Variants in ZNF516 observed in about 807,000 individuals in gnomAD.
ZNF516 encodes zinc finger protein 516.
ZNF516 carries 19 observed loss-of-function variants against 79.7 expected under a neutral mutation model. The observed-to-expected ratio is 0.24, with a 90% CI of 0.17 to 0.35. The LOEUF is 0.35. ZNF516 is among the 10% of genes least tolerant of loss of function. ZNF516 has a pLI of 1.00. For synonymous variants in ZNF516, 877 were observed against 739.5 expected, an observed-to-expected ratio of 1.19 and a Z score of -3.02; for missense variants, 1,678 against 1,679.5, an observed-to-expected ratio of 1.00 and a Z score of 0.02.
intron 1 of ZNF516, among the ~76,000 whole-genome samples, chr18:76,479,556 A>G (rs1914377469): frequency 6.6e-6 from 1 of 152,230 alleles, no homozygotes; most frequent in South Asian, 2.1e-4. Context: ...GAAGACGCAC[A>G]GGCGTTCGTA....
At chr18:76,409,536 G>A (rs909004692) in intron 3 of ZNF516, among the ~76,000 whole-genome samples, 1 of 152,218 alleles carries the variant, frequency 6.6e-6, no homozygotes, top group Non-Finnish European at 1.5e-5. Flanking sequence ...CATTGAACTA[G>A]AGACTGAAGA....
At chr18:76,487,195 A>T (rs185882477) in intron 1 of ZNF516, among the ~76,000 whole-genome samples, 53 of 152,358 alleles carry the variant, frequency 3.5e-4, no homozygotes, top group African/African-American at 1.2e-3. Flanking sequence ...TCGAATGTAT[A>T]CCATCGGAAA....
At chr18:76,423,541 T>TCCC (rs1224177300) in intron 3 of ZNF516, among the ~76,000 whole-genome samples, 1 of 63,608 alleles carries the variant, frequency 1.6e-5, no homozygotes, top group African/African-American at 6.3e-5. Context: ...TGAAAAGGCT[T>TCCC]CCCCGAAACA....
intron 2 of ZNF516, among the ~76,000 whole-genome samples, chr18:76,446,716 C>T (rs1299575189): frequency 1.3e-5 from 2 of 152,216 alleles, no homozygotes; most frequent in South Asian, 4.1e-4. Flanking sequence ...GGAGCAGCAT[C>T]CACGATGCTC....
chr18:76,417,689 T>A (rs902898427), intron 3 of ZNF516, among the ~76,000 whole-genome samples: 1 of 152,210 alleles, frequency 6.6e-6, no homozygotes, highest in African/African-American at 2.4e-5. Context: ...TAGCTTTCAA[T>A]TAGAGAAAAT....
chr18:76,411,498 A>C (rs1368453127), intron 3 of ZNF516, among the ~76,000 whole-genome samples: 3 of 152,242 alleles, frequency 2.0e-5, no homozygotes, highest in Non-Finnish European at 4.4e-5. Flanking sequence ...GAGTTAATAG[A>C]CAAGACACTA....
intron 3 of ZNF516, among the ~76,000 whole-genome samples, chr18:76,429,681 G>C (rs931744895): frequency 1.3e-5 from 2 of 152,130 alleles, no homozygotes; most frequent in African/African-American, 4.8e-5. Context: ...ACAACCACCA[G>C]CAGCAGCATC....
In ZNF516 at chr18:76,441,856, C is replaced by G. The variant is rs1479622730; in HGVS notation, c.1199G>C (p.Gly400Ala). Residue 400 changes from glycine to alanine, a missense_variant, in exon 3 of 7, where the codon GGC becomes GCC. Physicochemically the swap from Gly to Ala is moderately conservative, Grantham distance 60. This residue lies in a region of ZNF516 where 1,294 missense variants were observed against 1,248.3 expected (regional missense o/e 1.04). Coordinates refer to ENST00000443185, the MANE Select transcript of ZNF516 (RefSeq NM_014643.4). ...AGCCACCCGCCGTCCGGCCTGCGTG[C>G]CAGGGCACGAGTCGCCGGCCGCCGA... The part of the protein sequence containing the change: ...RPSAAGDSCP[G>A]TQAGRRVAEL... The G allele has an allele frequency of 6.3e-7, 1 of 1,579,548 alleles. No individual in the cohort carries two copies. Among genetic ancestry groups the G allele is most frequent in the Non-Finnish European group, 8.6e-7 (1 of 1,169,486 alleles).
At chr18:76,398,139 A>G (rs1042179238) in intron 3 of ZNF516, among the ~76,000 whole-genome samples, 1 of 152,212 alleles carries the variant, frequency 6.6e-6, no homozygotes, top group African/African-American at 2.4e-5. Flanking sequence ...ACTCAACCAT[A>G]AAGAAGCGTC....
rs1434202877 is a variant in ZNF516, at chr18:76,370,533, T to G, written c.3427A>C (p.Lys1143Gln). The G allele has an allele frequency of 6.2e-7, 1 of 1,606,828 alleles. No homozygotes were observed. Among genetic ancestry groups the G allele is most frequent in the Non-Finnish European group, 8.5e-7 (1 of 1,176,276 alleles). Residue 1143 changes from lysine to glutamine, a missense_variant, in exon 6 of 7, where the codon AAA becomes CAA. Lys to Gln is a moderately conservative substitution (Grantham distance 53, BLOSUM62 1). Around this residue, in one of 5 missense-constraint regions of ZNF516, gnomAD observed 1,294 missense variants for 1,248.3 expected, o/e 1.04. Coordinates refer to ENST00000443185, the MANE Select transcript of ZNF516 (RefSeq NM_014643.4). Reference protein sequence around the residue: ...EVHTTSADAPKQGRDHSNTGT... With the variant: ...EVHTTSADAPQQGRDHSNTGT... ...CAATTCATCATGAGACCTACTTGTT[T>G]GGGGGCGTCTGCGGAGGTGGTATGA...
chr18:76,419,816 G>A (rs2075482310), intron 3 of ZNF516, among the ~76,000 whole-genome samples: 1 of 152,200 alleles, frequency 6.6e-6, no homozygotes, highest in Admixed American at 6.5e-5. Context: ...TCTCAGGTAT[G>A]TCTTTATTAG....
rs563934991 is a variant in ZNF516, at chr18:76,443,191, G to A, written c.-137C>T. 3.7e-5 allele frequency: 47 copies of A among 1,263,316 alleles called. No homozygotes were observed. Among genetic ancestry groups the A allele is most frequent in the South Asian group, 2.7e-4 (16 of 59,858 alleles). 78.3% of individuals were successfully genotyped at this position (1,263,316 alleles called of 1,614,324 possible). Reference sequence around the variant, plus strand: ...GAGGTGCACCTTCTACATGGGGGGCGCAGCAGCTGGCAGCCAGCACCTGAA... The same window carrying A: ...GAGGTGCACCTTCTACATGGGGGGCACAGCAGCTGGCAGCCAGCACCTGAA... On this transcript the variant is annotated 5_prime_UTR_variant, in exon 3 of 7. Coordinates refer to ENST00000443185, the MANE Select transcript of ZNF516 (RefSeq NM_014643.4).
chr18:76,392,138 G>A (rs752730576), intron 3 of ZNF516, among the ~76,000 whole-genome samples: 1 of 152,180 alleles, frequency 6.6e-6, no homozygotes, highest in Non-Finnish European at 1.5e-5. Flanking sequence ...AACACAGTAC[G>A]GCCAAGGGAC....
At chr18:76,430,648 A>C (rs768134170) in intron 3 of ZNF516, among the ~76,000 whole-genome samples, 13 of 152,242 alleles carry the variant, frequency 8.5e-5, no homozygotes, top group Admixed American at 3.9e-4. Flanking sequence ...GCACCGTGGA[A>C]TTATCATTTT....
chr18:76,391,215 G>T (rs925841297), intron 3 of ZNF516, among the ~76,000 whole-genome samples: 1 of 152,172 alleles, frequency 6.6e-6, no homozygotes, highest in African/African-American at 2.4e-5. Flanking sequence ...GAGTAAGTGT[G>T]AGCGTAAGGG....
chr18:76,454,970 G>T (rs992001111), intron 2 of ZNF516, among the ~76,000 whole-genome samples: 1 of 152,134 alleles, frequency 6.6e-6, no homozygotes, highest in African/African-American at 2.4e-5. Context: ...AATTTAAAAC[G>T]TAACAAGGCA....
At chr18:76,432,194 C>G (rs948322005) in intron 3 of ZNF516, among the ~76,000 whole-genome samples, 1 of 152,378 alleles carries the variant, frequency 6.6e-6, no homozygotes, top group South Asian at 2.1e-4. Flanking sequence ...GCCAGTCCTC[C>G]AGCACCTGCC....
intron 1 of ZNF516, chr18:76,492,306 C>A: frequency 1.0e-6 from 1 of 985,476 alleles, no homozygotes; most frequent in Non-Finnish European, 1.2e-6. Context: ...ACATCACTAC[C>A]GATATTCCTG....
rs567403097 is a variant in ZNF516 at position 76,493,243 on chromosome 18, C to T, written c.-272+1901G>A. 3.2e-6 allele frequency: 3 copies of T among 940,610 alleles called. No individual in the cohort carries two copies. Among genetic ancestry groups the T allele is most frequent in the Non-Finnish European group, 3.8e-6 (3 of 791,906 alleles). 58.3% of individuals were successfully genotyped at this position (940,610 alleles called of 1,614,324 possible). On this transcript the variant is annotated intron_variant, in intron 1 of 6. Transcript: ENST00000443185. This position sits in a 1 kb window ranked among gnomAD's most constrained non-coding sequence, Gnocchi z 5.2. ...ATCCATTTAAATATATTTTGTACTT[C>T]CACAAAGGATGGAAAGGGAAATTCA... is the stretch of plus-strand genomic sequence containing the variant.
Sources: allele counts gnomAD v4.1 joint callset (sites outside exome capture counted in the v4.1 genomes callset), GRCh38; gene constraint gnomAD v4.1.1; regional missense constraint gnomAD v4.1.1; non-coding constraint Gnocchi (gnomAD v3.1); transcripts MANE v1.5; gene names NCBI Gene and HGNC (gene_info 2026-07-23, HGNC 2026-07-21).